Variants in NCKIPSD observed in about 807,000 individuals in gnomAD.
NCKIPSD encodes the protein NCK-interacting protein with SH3 domain.
A neutral mutation model predicts 73.4 loss-of-function variants in NCKIPSD; 48 were observed. That is an observed-to-expected ratio of 0.65 (90% CI 0.52 to 0.83). The LOEUF (loss-of-function observed/expected upper bound fraction) is 0.83. NCKIPSD is among the 40% of genes least tolerant of loss of function. The pLI, the probability that NCKIPSD is intolerant of heterozygous loss-of-function variation, is 0.00. For missense variants in NCKIPSD, 884 were observed against 970.2 expected, an observed-to-expected ratio of 0.91 and a Z score of 1.18; for synonymous variants, 422 against 403.6, an observed-to-expected ratio of 1.05 and a Z score of -0.54.
At position 48,673,940 on chromosome 3, in the gene NCKIPSD, T is replaced by G. The variant is rs1438711573; in HGVS notation, c.*604A>C. 4.7e-6 allele frequency: 5 copies of G among 1,064,226 alleles called. No individual in the cohort carries two copies. Among genetic ancestry groups the G allele is most frequent in the Non-Finnish European group, 4.6e-6 (4 of 878,452 alleles). The allele number at this position is 1,064,226 out of a possible 1,614,324, so 65.9% of individuals were successfully genotyped here. Reference sequence around the variant, plus strand: ...CTACATTTTTACAGAGAAAAGAGATTCGGTCATTGGCTTTCTCAGTGCCAT... The same window carrying G: ...CTACATTTTTACAGAGAAAAGAGATGCGGTCATTGGCTTTCTCAGTGCCAT... On this transcript the variant is annotated 3_prime_UTR_variant, in exon 13 of 13. Transcript: ENST00000294129.
intron 1 of NCKIPSD, among the ~76,000 whole-genome samples, chr3:48,684,426 C>T (rs2077403815): frequency 6.6e-6 from 1 of 152,206 alleles, no homozygotes; most frequent in Non-Finnish European, 1.5e-5. Flanking sequence ...ACACAGCAGC[C>T]ATGGTGTCCA....
chr3:48,674,197 A>T lies in NCKIPSD; in HGVS notation c.*347T>A. On this transcript the variant is annotated 3_prime_UTR_variant, in exon 13 of 13. Coordinates refer to ENST00000294129, the MANE Select transcript of NCKIPSD (RefSeq NM_016453.4). ...TGGCTTGCTGAGGCCCAGGATACAG[A>T]CCAGGAGGGGTGGGGATGGGGGTCT... is the stretch of plus-strand genomic sequence containing the variant. The T allele has an allele frequency of 8.2e-7, 1 of 1,224,654 alleles. No individual in the cohort carries two copies. The highest frequency in any genetic ancestry group is 1.0e-6 in the Non-Finnish European group (1 of 971,374). The allele number at this position is 1,224,654 out of a possible 1,614,324, so 75.9% of individuals were successfully genotyped here.
In NCKIPSD at chr3:48,682,503, C is replaced by A. The variant is rs138464725; in HGVS notation, c.331G>T (p.Ala111Ser). 3.4e-5 allele frequency: 55 copies of A among 1,614,040 alleles called. 1 individual carries two copies. In the Admixed American group the frequency reaches 6.8e-4, roughly 20 times the overall value. The change falls in exon 3 of 13, where the codon GCC becomes TCC. Residue 111 changes from alanine (A) to serine (S), a missense_variant. Coordinates refer to ENST00000294129, the MANE Select transcript of NCKIPSD (RefSeq NM_016453.4). ...KETLSRRGPS[A>S]SSVAVMTSST... The stretch of plus-strand genomic sequence containing the variant: ...GAGGTCATAACTGCAACACTGGAGG[C>A]TGAAGGGCCTCTGCGTGACAGGGTC...
chr3:48,679,379 T>G lies in NCKIPSD; in HGVS notation c.1568A>C (p.Tyr523Ser). 1 of 1,614,030 alleles carries G rather than the reference T, an allele frequency of 6.2e-7. No individual in the cohort carries two copies. Among genetic ancestry groups the G allele is most frequent in the Non-Finnish European group, 8.5e-7 (1 of 1,179,954 alleles). Residue 523 changes from tyrosine (Y) to serine (S), a missense_variant and splice_region_variant, in exon 9 of 13, where the codon TAT becomes TCT. Transcript: ENST00000294129. ...SMGEAVPYAH[Y>S]EHLGTPFAQF... ...CTGGTCGGTTACTGCATTCTTACCA[T>G]AGTGTGCATAGGGCACTGCCTCTCC... is the stretch of plus-strand genomic sequence containing the variant.
At position 48,679,436 on chromosome 3, in the gene NCKIPSD, G is replaced by A. The variant is rs781265911; in HGVS notation, c.1511C>T (p.Ser504Phe). ...GAAGACCATGGCCAGGATGAGGGCA[G>A]AGTAACAGAGTTTCTGGTGGTCTGG... ...DTQDHQKLCYSALILAMVFSM... is the reference protein window; with the variant it reads ...DTQDHQKLCYFALILAMVFSM... The change falls in exon 9 of 13, where the codon TCT becomes TTT. Residue 504 changes from serine to phenylalanine, a missense_variant. By Grantham distance (155) the Ser-to-Phe change is radical. Transcript: ENST00000294129. 6.2e-7 allele frequency: 1 copy of A among 1,613,438 alleles called. No homozygotes were observed. Among genetic ancestry groups the A allele is most frequent in the Middle Eastern group, 1.6e-4 (1 of 6,078 alleles).
rs554363447 is a variant in NCKIPSD, at chr3:48,683,016, G to A, written c.172-4C>T. On this transcript the variant is annotated splice_polypyrimidine_tract_variant and splice_region_variant and intron_variant, in intron 1 of 12. Transcript: ENST00000294129. ...GGAGGACATCCTGCTCCAGGCCCTGGGGGGGGCAGGGGACAGCAGTTAGAC... is the reference window on the plus strand; with the variant it reads ...GGAGGACATCCTGCTCCAGGCCCTGAGGGGGGCAGGGGACAGCAGTTAGAC... 6.5e-7 allele frequency: 1 copy of A among 1,549,576 alleles called. No homozygotes were observed. Among genetic ancestry groups the A allele is most frequent in the South Asian group, 1.2e-5 (1 of 84,030 alleles).
chr3:48,674,970 G>A (rs543303424), intron 12 of NCKIPSD, among the ~76,000 whole-genome samples: 4 of 152,210 alleles, frequency 2.6e-5, no homozygotes, highest in Admixed American at 1.3e-4. Flanking sequence ...CAAGTATGTG[G>A]CCTGCCCAGG....
At position 48,685,880 on chromosome 3, in the gene NCKIPSD, G is replaced by GCCGCGCCGCGGTTGTC; in HGVS notation, c.-89_-74dup. On this transcript the variant is annotated 5_prime_UTR_variant, in exon 1 of 13. Coordinates refer to ENST00000294129, the MANE Select transcript of NCKIPSD (RefSeq NM_016453.4). ...CACAACGCCAGGCCGGGAGCGCCGA[G>GCCGCGCCGCGGTTGTC]CCGCGCCGCGGTTGTCCCGCCCCGT... The GCCGCGCCGCGGTTGTC allele has an allele frequency of 7.6e-7, 1 of 1,309,634 alleles. No homozygotes were observed. The highest frequency in any genetic ancestry group is 1.9e-5 in the South Asian group (1 of 51,836). The allele number at this position is 1,309,634 out of a possible 1,614,324, so 81.1% of individuals were successfully genotyped here.
intron 2 of NCKIPSD, 144 bp downstream of exon 2, chr3:48,682,759 C>A: frequency 7.7e-7 from 1 of 1,292,276 alleles, no homozygotes; most frequent in East Asian, 2.5e-5. Context: ...CCCGACCCCA[C>A]CTTGCTCACT....
At position 48,682,905 on chromosome 3, in the gene NCKIPSD, G is replaced by A; in HGVS notation, c.279C>T (p.Leu93=). ...ACTTCACTCCCCTCAACACTCACTG[G>A]AGGACTCCACGCTGTTCCAGGCTGT... ...GKYSLEQRGV[L]QKLIHHRKET... is the part of the protein sequence containing the mutation. Residue 93 remains leucine, a splice_region_variant and synonymous_variant, in exon 2 of 13, where the codon CTC becomes CTT. Transcript: ENST00000294129. 6.5e-7 allele frequency: 1 copy of A among 1,549,474 alleles called. No homozygotes were observed. The highest frequency in any genetic ancestry group is 1.2e-5 in the South Asian group (1 of 84,002).
At chr3:48,684,977 G>A (rs1330056490) in intron 1 of NCKIPSD, among the ~76,000 whole-genome samples, 2 of 151,914 alleles carry the variant, frequency 1.3e-5, no homozygotes, top group Non-Finnish European at 2.9e-5. Context: ...GACTTAAGAA[G>A]AGCTTAGAGG....
At chr3:48,682,319 C>G (rs72927144) in intron 3 of NCKIPSD, 29 bp downstream of exon 3, 2 of 1,611,260 alleles carry the variant, frequency 1.2e-6, no homozygotes, top group Non-Finnish European at 1.7e-6. Flanking sequence ...CCACCCACCT[C>G]CCTTCTCCAC....
At position 48,682,123 on chromosome 3, in the gene NCKIPSD, G is replaced by T; in HGVS notation, c.520C>A (p.Pro174Thr). Reference protein sequence around the residue: ...PLPSSQIPPQPRRAAPTTPPP... With the variant: ...PLPSSQIPPQTRRAAPTTPPP... ...GGTGTGGTGGGTGCTGCTCGGCGAG[G>T]CTGTGGTGGGATCTGGGAAGATGGA... The change falls in exon 4 of 13, where the codon CCT (proline) becomes ACT (threonine). Residue 174 changes from proline to threonine, a missense_variant. Physicochemically the swap from Pro to Thr is conservative, Grantham distance 38. Coordinates refer to ENST00000294129, the MANE Select transcript of NCKIPSD (RefSeq NM_016453.4). 1 of 1,600,466 alleles carries T rather than the reference G, an allele frequency of 6.2e-7. No homozygotes were observed.
Position 48,681,433 on chromosome 3 carries a change from G to C in NCKIPSD, c.946C>G (p.Leu316Val). The change falls in exon 5 of 13, where the codon CTG (leucine) becomes GTG (valine). Residue 316 changes from leucine (L) to valine (V), a missense_variant. Coordinates refer to ENST00000294129, the MANE Select transcript of NCKIPSD (RefSeq NM_016453.4). The stretch of plus-strand genomic sequence containing the variant: ...GTGTTTCTCCGCACCAGCTCCATCA[G>C]CTCGGCCCCAATGGTCCTGGGCACA... Reference protein sequence around the residue: ...AAVPRTIGAELMELVRRNTGL... With the variant: ...AAVPRTIGAEVMELVRRNTGL... 1.2e-6 allele frequency: 2 copies of C among 1,614,044 alleles called. No homozygotes were observed. The highest frequency in any genetic ancestry group is 1.7e-6 in the Non-Finnish European group (2 of 1,180,012).
chr3:48,676,003 G>A (rs2077251531), intron 12 of NCKIPSD, among the ~76,000 whole-genome samples: 1 of 152,168 alleles, frequency 6.6e-6, no homozygotes. Context: ...TCCCAGCCCT[G>A]GGAGTCATAC....
rs376464101 is a variant in NCKIPSD at position 48,674,652 on chromosome 3, C to T, written c.2061G>A (p.Leu687=). 2.5e-6 allele frequency: 4 copies of T among 1,613,816 alleles called. No individual in the cohort carries two copies. Among genetic ancestry groups the T allele is most frequent in the African/African-American group, 2.7e-5 (2 of 74,914 alleles). Residue 687 remains leucine, a synonymous_variant, in exon 13 of 13, where the codon CTG becomes CTA. Coordinates refer to ENST00000294129, the MANE Select transcript of NCKIPSD (RefSeq NM_016453.4). ...TCTCCTCCTCATTCAGGATGCGTCG[C>T]AGTATGGCCTGCAGGTCGGGTAGCC... ...RHRLPDLQAI[L]RRILNEEETS...
chr3:48,681,153 G>T, intron 5 of NCKIPSD, 134 bp downstream of exon 5: 2 of 1,321,838 alleles, frequency 1.5e-6, no homozygotes, highest in Non-Finnish European at 2.0e-6. Context: ...TCAGCTCAAC[G>T]TCCCCAGTGC....
rs762062811 is a variant in NCKIPSD at position 48,682,432 on chromosome 3, G to A, written c.402C>T (p.Pro134=). The A allele has an allele frequency of 6.2e-7, 1 of 1,614,116 alleles. No homozygotes were observed. The highest frequency in any genetic ancestry group is 1.1e-5 in the South Asian group (1 of 91,080). Residue 134 remains proline, a synonymous_variant, in exon 3 of 13, where the codon CCC becomes CCT. Transcript: ENST00000294129. ...CGAACCCAGCTCGACACACCCCATTGGGCTGCCTGGCTGCAGCAGCATCCA... is the reference window on the plus strand; with the variant it reads ...CGAACCCAGCTCGACACACCCCATTAGGCTGCCTGGCTGCAGCAGCATCCA... ...HHLDAAAARQ[P]NGVCRAGFER...
In NCKIPSD at chr3:48,685,860, C is replaced by A; in HGVS notation, c.-53G>T. 7.4e-7 allele frequency: 1 copy of A among 1,348,768 alleles called. No individual in the cohort carries two copies. The highest frequency in any genetic ancestry group is 1.8e-5 in the South Asian group (1 of 56,662). 83.6% of individuals were successfully genotyped at this position (1,348,768 alleles called of 1,614,324 possible). A position where few individuals can be genotyped will look rare whatever the true frequency, so the allele number is the denominator to read the frequency against. On this transcript the variant is annotated 5_prime_UTR_variant, in exon 1 of 13. Coordinates refer to ENST00000294129, the MANE Select transcript of NCKIPSD (RefSeq NM_016453.4). ...GGTGGCAAGGGCTGCGGCGCCACAA[C>A]GCCAGGCCGGGAGCGCCGAGCCGCG...
Sources: gnomAD v4.1 joint callset for allele counts (sites outside exome capture counted in the v4.1 genomes callset) on GRCh38, gnomAD v4.1.1 for gene constraint, MANE v1.5 for transcripts, NCBI Gene and HGNC (gene_info 2026-07-23, HGNC 2026-07-21) for gene names.